TDRD7: variants seen among roughly 807,000 people sequenced by gnomAD.
TDRD7 encodes tudor domain-containing protein 7.
A neutral mutation model predicts 109.8 loss-of-function variants in TDRD7; 47 were observed. The ratio of observed to expected loss-of-function variants is 0.43; its 90% confidence interval spans 0.34 to 0.55. The LOEUF is 0.55. TDRD7 is among the 20% of genes least tolerant of loss of function. TDRD7 has a pLI of 0.03. For synonymous variants in TDRD7, 424 were observed against 457.3 expected, an observed-to-expected ratio of 0.93 and a Z score of 0.93; for missense variants, 1,164 against 1,319.2, an observed-to-expected ratio of 0.88 and a Z score of 1.82.
At chr9:97,492,138 T>C (rs528028311) in intron 16 of TDRD7, among the ~76,000 whole-genome samples, 1 of 152,330 alleles carries the variant, frequency 6.6e-6, no homozygotes, top group Admixed American at 6.5e-5. Context: ...TGACCTTCCT[T>C]CTCTGATGGA....
intron 4 of TDRD7, among the ~76,000 whole-genome samples, chr9:97,438,562 A>G (rs568165934): frequency 2.0e-5 from 3 of 152,210 alleles, no homozygotes; most frequent in Non-Finnish European, 4.4e-5. Flanking sequence ...CTAGTGTGGG[A>G]AACAGACATG....
At chr9:97,428,735 T>A (rs1828049928) in intron 2 of TDRD7, 63 bp downstream of exon 2, 1 of 1,451,400 alleles carries the variant, frequency 6.9e-7, no homozygotes, top group East Asian at 2.3e-5. Context: ...CTCTGGCACT[T>A]CCAATCTCCT....
chr9:97,412,144 A>C lies in TDRD7; in HGVS notation c.-101A>C, dbSNP rs1827724411. 1 of 153,480 alleles carries C rather than the reference A, an allele frequency of 6.5e-6. No individual in the cohort carries two copies. The highest frequency in any genetic ancestry group is 1.5e-5 in the Non-Finnish European group (1 of 68,932). 9.5% of individuals were successfully genotyped at this position (153,480 alleles called of 1,614,324 possible). A position where few individuals can be genotyped will look rare whatever the true frequency, so the allele number is the denominator to read the frequency against. Reference sequence around the variant, plus strand: ...CGGCTCCGGTGGTGCGGGGAAACCGAAAGTGGGCGGCGGCCGCGGCGGGGC... The same window carrying C: ...CGGCTCCGGTGGTGCGGGGAAACCGCAAGTGGGCGGCGGCCGCGGCGGGGC... On this transcript the variant is annotated 5_prime_UTR_variant, in exon 1 of 17. Coordinates refer to ENST00000355295, the MANE Select transcript of TDRD7 (RefSeq NM_014290.3). The surrounding 1 kb of genome is among the most constrained non-coding windows in gnomAD (Gnocchi z 4.3).
rs141639587 is a variant in TDRD7 at position 97,429,878 on chromosome 9, C to G, written c.208-1055C>G. Among the ~76,000 whole-genome samples the G allele has an allele frequency of 6.6e-5, 10 of 152,282 alleles. No homozygotes were observed. The East Asian group carries it at 1.5e-3, about 24-fold the overall frequency. On this transcript the variant is annotated intron_variant, in intron 2 of 16. Transcript: ENST00000355295. The stretch of plus-strand genomic sequence containing the variant: ...AATAAATTAATGCTTTATAGAGTTA[C>G]TATACTGTAATTTACTCAACTCTTT...
chr9:97,464,764 G>T, intron 7 of TDRD7, 78 bp from the exon 8 acceptor site: 1 of 1,511,470 alleles, frequency 6.6e-7, no homozygotes, highest in Non-Finnish European at 9.0e-7. Flanking sequence ...AGGGAAAAAA[G>T]AAGGACAAAA....
intron 1 of TDRD7, among the ~76,000 whole-genome samples, chr9:97,420,364 T>TGGGGGGGGGGGGGGGG (rs34308257): frequency 1.5e-5 from 1 of 66,890 alleles, no homozygotes; most frequent in Admixed American, 1.7e-4. Flanking sequence ...AACTTTTTTT[T>TGGGGGGGGGGGGGGGG]GGGGGGGGCG....
rs76224975 is a variant in TDRD7, at chr9:97,445,316, C to T, written c.855+3441C>T. On this transcript the variant is annotated intron_variant, in intron 6 of 16. Transcript: ENST00000355295. ...TTGACTGGTATTTATAAAATGCTTCCGTGTGCTAGCCACTGACCTGGGTGT... is the reference window on the plus strand; with the variant it reads ...TTGACTGGTATTTATAAAATGCTTCTGTGTGCTAGCCACTGACCTGGGTGT... Among the ~76,000 whole-genome samples, 1,227 of 152,212 alleles carry T rather than the reference C, an allele frequency of 8.1e-3. 43 individuals carry two copies. In the East Asian group the frequency reaches 0.11, roughly 13 times the overall value.
At position 97,460,274 on chromosome 9, in the gene TDRD7, C is replaced by G. The variant is rs540915855; in HGVS notation, c.952C>G (p.Leu318Val). 1 of 1,614,100 alleles carries G rather than the reference C, an allele frequency of 6.2e-7. No individual in the cohort carries two copies. Among genetic ancestry groups the G allele is most frequent in the African/African-American group, 1.3e-5 (1 of 74,936 alleles). ...TGAACTGGATACTGAGAAAGTACCT[C>G]TATCCCCACTACCTGGTCCCAAACA... The part of the protein sequence containing the change: ...RSELDTEKVP[L>V]SPLPGPKQTP... The change falls in exon 7 of 17, where the codon CTA (leucine) becomes GTA (valine). Residue 318 changes from leucine (L) to valine (V), a missense_variant. Leu to Val is a conservative substitution (Grantham distance 32, BLOSUM62 1). Transcript: ENST00000355295.
rs144119862 is a variant in TDRD7, at chr9:97,453,677, C to T, written c.856-6501C>T. Among the ~76,000 whole-genome samples the T allele has an allele frequency of 8.1e-3, 1,235 of 151,698 alleles. 13 individuals are homozygous for T. Among genetic ancestry groups the T allele is most frequent in the African/African-American group, 0.028 (1,137 of 41,302 alleles). On this transcript the variant is annotated intron_variant, in intron 6 of 16. Coordinates refer to ENST00000355295, the MANE Select transcript of TDRD7 (RefSeq NM_014290.3). ...TTACATGCAAAGACACACACAGGCTCAAAATAAAGGGATGGAGGAAAATTT... is the reference window on the plus strand; with the variant it reads ...TTACATGCAAAGACACACACAGGCTTAAAATAAAGGGATGGAGGAAAATTT...
chr9:97,431,177 G>T, intron 3 of TDRD7, 103 bp downstream of exon 3: 1 of 1,515,424 alleles, frequency 6.6e-7, no homozygotes, highest in Non-Finnish European at 9.1e-7. Context: ...ACTTGTATCT[G>T]TTAACATACA....
At chr9:97,421,470 A>G (rs1166118690) in intron 1 of TDRD7, among the ~76,000 whole-genome samples, 1 of 152,186 alleles carries the variant, frequency 6.6e-6, no homozygotes, top group Non-Finnish European at 1.5e-5. Flanking sequence ...TTTATATATG[A>G]CTACCAACTT....
At chr9:97,456,031 T>C (rs1471370492) in intron 6 of TDRD7, among the ~76,000 whole-genome samples, 5 of 151,842 alleles carry the variant, frequency 3.3e-5, no homozygotes, top group Non-Finnish European at 5.9e-5. Flanking sequence ...ACACCAACAA[T>C]AGGCAAGCAG....
intron 7 of TDRD7, among the ~76,000 whole-genome samples, chr9:97,461,054 T>C (rs1020149196): frequency 6.6e-6 from 1 of 151,220 alleles, no homozygotes; most frequent in African/African-American, 2.4e-5. Flanking sequence ...GGCAAGAGAA[T>C]GGTGTCAACT....
At chr9:97,481,257 C>G (rs1244170179) in intron 14 of TDRD7, among the ~76,000 whole-genome samples, 1 of 152,166 alleles carries the variant, frequency 6.6e-6, no homozygotes, top group Non-Finnish European at 1.5e-5. Flanking sequence ...ACAGAGGGAC[C>G]ACAGATCTCT....
chr9:97,463,262 A>C (rs139435511), intron 7 of TDRD7, among the ~76,000 whole-genome samples: 2 of 152,140 alleles, frequency 1.3e-5, no homozygotes, highest in East Asian at 1.9e-4. Flanking sequence ...AAATTAAACT[A>C]TAAGAGTATG....
Position 97,412,841 on chromosome 9 carries a change from G to T in TDRD7, c.-7+603G>T, listed in dbSNP as rs1169206278. On this transcript the variant is annotated intron_variant, in intron 1 of 16. Transcript: ENST00000355295. The surrounding 1 kb of genome is among the most constrained non-coding windows in gnomAD (Gnocchi z 4.3). The stretch of plus-strand genomic sequence containing the variant: ...CCAGCTGGGAGGGAAACATGGATCC[G>T]TGAGTAAGTTGTCTCTCAACTTTCA... Among the ~76,000 whole-genome samples, 1 of 152,148 alleles carries T rather than the reference G, an allele frequency of 6.6e-6. No homozygotes were observed. Among genetic ancestry groups the T allele is most frequent in the East Asian group, 1.9e-4 (1 of 5,136 alleles).
intron 8 of TDRD7, among the ~76,000 whole-genome samples, chr9:97,466,596 A>G (rs1828825637): frequency 1.3e-5 from 2 of 152,238 alleles, no homozygotes; most frequent in African/African-American, 2.4e-5. Context: ...TTCATGTAGT[A>G]GAACACTGTT....
rs113226995 is a variant in TDRD7 at position 97,460,778 on chromosome 9, T to C, written c.1442+14T>C. ...AGTGGTTATCAGGCAAGTTTCATTT[T>C]CTAATTCTTTAGGATTCTGATATAC... On this transcript the variant is annotated intron_variant, in intron 7 of 16. Coordinates refer to ENST00000355295, the MANE Select transcript of TDRD7 (RefSeq NM_014290.3). 1.7e-5 allele frequency: 27 copies of C among 1,605,694 alleles called. No homozygotes were observed. In the African/African-American group the frequency reaches 2.0e-4, roughly 12 times the overall value.
At chr9:97,421,924 G>T (rs759240553) in intron 1 of TDRD7, among the ~76,000 whole-genome samples, 1 of 152,004 alleles carries the variant, frequency 6.6e-6, no homozygotes, top group Non-Finnish European at 1.5e-5. Flanking sequence ...ATTTACTCCT[G>T]TGTATTTTTT....
Sources: gnomAD v4.1 joint callset for allele counts (sites outside exome capture counted in the v4.1 genomes callset) on GRCh38, gnomAD v4.1.1 for gene constraint, Gnocchi (gnomAD v3.1) non-coding constraint, MANE v1.5 for transcripts, NCBI Gene and HGNC (gene_info 2026-07-23, HGNC 2026-07-21) for gene names.